The following GABRD variants were observed in gnomAD, a reference collection of about 807,000 sequenced individuals.
GABRD encodes the protein gamma-aminobutyric acid type A receptor subunit delta, also known as gamma-aminobutyric acid receptor subunit delta.
GABRD carries 25 observed loss-of-function variants against 47.3 expected under a neutral mutation model. That is an observed-to-expected ratio of 0.53 (90% CI 0.39 to 0.74). The LOEUF (loss-of-function observed/expected upper bound fraction) is 0.74. GABRD is among the 30% of genes least tolerant of loss of function. The pLI is 0.00. For synonymous variants in GABRD, 314 were observed against 278.8 expected (o/e 1.13, Z -1.26); for missense variants, 497 against 643.4 (o/e 0.77, Z 2.46).
chr1:2,025,264 G>C lies in GABRD; in HGVS notation c.182-70G>C, dbSNP rs895966579. On this transcript the variant is annotated intron_variant, in intron 2 of 8. Coordinates refer to ENST00000378585, the MANE Select transcript of GABRD (RefSeq NM_000815.5). ...GCCGACTGCCTGTGACTGGGACCCC[G>C]GCAGGGTCCCATCGTGGCTCCCATG... 3 of 1,574,192 alleles carry C rather than the reference G, an allele frequency of 1.9e-6. No individual in the cohort carries two copies. The Admixed American group carries it at 5.0e-5, about 26-fold the overall frequency.
In GABRD at chr1:2,028,407, A is replaced by C; in HGVS notation, c.691+115A>C. On this transcript the variant is annotated intron_variant, in intron 6 of 8. Coordinates refer to ENST00000378585, the MANE Select transcript of GABRD (RefSeq NM_000815.5). The surrounding 1 kb of genome is among the most constrained non-coding windows in gnomAD (Gnocchi z 6.4). The stretch of plus-strand genomic sequence containing the variant: ...CCGCGTGCGCCCGCCTGTGGTTTTC[A>C]TGCTTTTTAGTCAAGCGCCCGCAGG... The C allele has an allele frequency of 8.4e-7, 1 of 1,194,598 alleles. No homozygotes were observed. Among genetic ancestry groups the C allele is most frequent in the Non-Finnish European group, 1.1e-6 (1 of 933,200 alleles). 74.0% of individuals were successfully genotyped at this position (1,194,598 alleles called of 1,614,324 possible). A position where few individuals can be genotyped will look rare whatever the true frequency, so the allele number is the denominator to read the frequency against.
chr1:2,024,944 C>T lies in GABRD; in HGVS notation c.71C>T (p.Ala24Val), dbSNP rs748341188. The change falls in exon 2 of 9, where the codon GCG (alanine) becomes GTG (valine). Residue 24 changes from alanine to valine, a missense_variant and splice_region_variant. Ala to Val is a moderately conservative substitution (Grantham distance 64). Transcript: ENST00000378585. The part of the protein sequence containing the change: ...LCAQQLRGTR[A>V]MNDIGDYVGS... ...GACCGGTGGCTTTGCATCCCCAGAG[C>T]GATGAATGACATCGGCGACTACGTG... The T allele has an allele frequency of 3.4e-5, 54 of 1,607,814 alleles. No homozygotes were observed. Among genetic ancestry groups the T allele is most frequent in the Middle Eastern group, 1.7e-4 (1 of 6,052 alleles).
In GABRD at chr1:2,030,169, C is replaced by T. The variant is rs370735082; in HGVS notation, c.1246C>T (p.Arg416Cys). 4.1e-5 allele frequency: 64 copies of T among 1,573,802 alleles called. No homozygotes were observed. The highest frequency in any genetic ancestry group is 9.3e-5 in the South Asian group (8 of 85,954). ...CCGCTCAGGAGGCCAGGGGGGCATC[C>T]GTGCCCGGCTCAGGCCCATCGACGC... ...AARSGGQGGI[R>C]ARLRPIDADT... is the part of the protein sequence containing the mutation. The change falls in exon 9 of 9, where the codon CGT becomes TGT. Residue 416 changes from arginine (R) to cysteine (C), a missense_variant. Arg to Cys is a radical substitution (Grantham distance 180). Around this residue, in one of 3 missense-constraint regions of GABRD, gnomAD observed 121 missense variants for 121.3 expected, o/e 1.00. Coordinates refer to ENST00000378585, the MANE Select transcript of GABRD (RefSeq NM_000815.5).
chr1:2,029,579 G>A lies in GABRD; in HGVS notation c.876G>A (p.Thr292=), dbSNP rs747305505. The stretch of plus-strand genomic sequence containing the variant: ...TCACCACGGTGCTGACGATGACCAC[G>A]CTCATGGTCAGTGCCCGCTCCTCCC... ...LGITTVLTMT[T]LMVSARSSLP... The change falls in exon 8 of 9, where the codon ACG becomes ACA. Residue 292 remains threonine, a synonymous_variant. Transcript: ENST00000378585. 5.6e-6 allele frequency: 9 copies of A among 1,612,900 alleles called. No individual in the cohort carries two copies. The highest frequency in any genetic ancestry group is 2.2e-5 in the East Asian group (1 of 44,886).
At position 2,025,347 on chromosome 1, in the gene GABRD, T is replaced by C. The variant is rs750523706; in HGVS notation, c.195T>C (p.Asn65=). ...FRPGIGGPPV[N]VALALEVASI... ...CTTTCCTTGCAGGCCCCCCCGTGAA[T>C]GTGGCCCTTGCCCTGGAGGTGGCCA... The change falls in exon 3 of 9, where the codon AAT becomes AAC. Residue 65 remains asparagine (N), a synonymous_variant. Coordinates refer to ENST00000378585, the MANE Select transcript of GABRD (RefSeq NM_000815.5). 3 of 1,613,160 alleles carry C rather than the reference T, an allele frequency of 1.9e-6. No individual in the cohort carries two copies. The highest frequency in any genetic ancestry group is 2.2e-5 in the South Asian group (2 of 91,090).
In GABRD at chr1:2,028,815, C is replaced by T. The variant is rs1659002943; in HGVS notation, c.692-296C>T. ...AGGAGAGAAAGGGGTGAGCCCTCCC[C>T]ATTGGTTGCGAGGGTCCCTCAGGGC... On this transcript the variant is annotated intron_variant, in intron 6 of 8. Coordinates refer to ENST00000378585, the MANE Select transcript of GABRD (RefSeq NM_000815.5). The surrounding 1 kb of genome is among the most constrained non-coding windows in gnomAD (Gnocchi z 6.4). The T allele has an allele frequency of 6.2e-6, 3 of 480,312 alleles. No individual in the cohort carries two copies. The highest frequency in any genetic ancestry group is 1.1e-5 in the Non-Finnish European group (3 of 270,436). The allele number at this position is 480,312 out of a possible 1,614,324, so 29.8% of individuals were successfully genotyped here.
chr1:2,020,713 A>G (rs1658749237), intron 1 of GABRD, among the ~76,000 whole-genome samples: 1 of 152,214 alleles, frequency 6.6e-6, no homozygotes, highest in Non-Finnish European at 1.5e-5. Context: ...TGCTGGAGCC[A>G]TGGGGACAGC....
At position 2,030,578 on chromosome 1, in the gene GABRD, G is replaced by A. The variant is rs765087180; in HGVS notation, c.*296G>A. On this transcript the variant is annotated 3_prime_UTR_variant, in exon 9 of 9. Coordinates refer to ENST00000378585, the MANE Select transcript of GABRD (RefSeq NM_000815.5). ...GGGTCTGGGCCCTTCAGGGAGCCGC[G>A]GATTTTTATGTTCAGAAAGTGATCC... 12 of 324,212 alleles carry A rather than the reference G, an allele frequency of 3.7e-5. No individual in the cohort carries two copies. Among genetic ancestry groups the A allele is most frequent in the Non-Finnish European group, 6.2e-5 (11 of 178,554 alleles). The allele number at this position is 324,212 out of a possible 1,614,324, so 20.1% of individuals were successfully genotyped here.
At chr1:2,020,672 G>C (rs1296316534) in intron 1 of GABRD, among the ~76,000 whole-genome samples, 2 of 152,218 alleles carry the variant, frequency 1.3e-5, no homozygotes, top group African/African-American at 4.8e-5. Context: ...TGAGAGGAAG[G>C]ACGAAGCTCG....
Position 2,030,042 on chromosome 1 carries a change from G to A in GABRD, c.1119G>A (p.Glu373=). Reference sequence around the variant, plus strand: ...TCTCTGCTGCCGGCGTCACGCAGGAGCTGGCCATCTCCCGCCGGCAGCGCC... The same window carrying A: ...TCTCTGCTGCCGGCGTCACGCAGGAACTGGCCATCTCCCGCCGGCAGCGCC... ...FSLSAAGVTQ[E]LAISRRQRRV... Residue 373 remains glutamate, a synonymous_variant, in exon 9 of 9, where the codon GAG becomes GAA. Coordinates refer to ENST00000378585, the MANE Select transcript of GABRD (RefSeq NM_000815.5). 6.2e-7 allele frequency: 1 copy of A among 1,612,558 alleles called. No homozygotes were observed. Among genetic ancestry groups the A allele is most frequent in the Non-Finnish European group, 8.5e-7 (1 of 1,179,842 alleles).
At chr1:2,021,485 C>T (rs969936277) in intron 1 of GABRD, among the ~76,000 whole-genome samples, 1 of 152,202 alleles carries the variant, frequency 6.6e-6, no homozygotes, top group Admixed American at 6.5e-5. Context: ...CTGTATTGGA[C>T]GTCAGTGGGA....
chr1:2,027,087 CG>C, intron 4 of GABRD: 1 of 221,424 alleles, frequency 4.5e-6, no homozygotes, highest in South Asian at 6.1e-5. Flanking sequence ...CCTCAAGCCC[CG>C]GGGGGTTGAG....
chr1:2,029,434 G>T (rs1014663642), intron 7 of GABRD, 117 bp from the exon 8 acceptor site: 4 of 1,460,260 alleles, frequency 2.7e-6, no homozygotes, highest in African/African-American at 2.8e-5. Flanking sequence ...CCTGCTCCCT[G>T]GGGTGGGCAT....
In GABRD at chr1:2,028,302, GC is replaced by G; in HGVS notation, c.691+13del. On this transcript the variant is annotated intron_variant, in intron 6 of 8. Coordinates refer to ENST00000378585, the MANE Select transcript of GABRD (RefSeq NM_000815.5). This position sits in a 1 kb window ranked among gnomAD's most constrained non-coding sequence, Gnocchi z 6.4. ...ATGAACTTCAAGTCCGGTAACATATGCCCGCCGCCCCTTCCGCATGTGCCCG... is the reference window on the plus strand; with the variant it reads ...ATGAACTTCAAGTCCGGTAACATATGCCGCCGCCCCTTCCGCATGTGCCCG... The G allele has an allele frequency of 6.2e-7, 1 of 1,603,514 alleles. No individual in the cohort carries two copies. Among genetic ancestry groups the G allele is most frequent in the Non-Finnish European group, 8.5e-7 (1 of 1,174,508 alleles).
rs1214046618 is a variant in GABRD, at chr1:2,019,484, G to C, written c.61G>C (p.Gly21Arg). ...LLLLCAQQLRGTRAMNDIGDY... is the reference protein window; with the variant it reads ...LLLLCAQQLRRTRAMNDIGDY... ...GCTCCTCTGCGCGCAGCAGCTCCGC[G>C]GCACCAGGTGAGCGGGCGGGGTCCG... The change falls in exon 1 of 9, where the codon GGC (glycine) becomes CGC (arginine). Residue 21 changes from glycine to arginine, a missense_variant. Gly to Arg is a moderately radical substitution (Grantham distance 125). Transcript: ENST00000378585. The C allele has an allele frequency of 9.0e-7, 1 of 1,110,408 alleles. No homozygotes were observed. Among genetic ancestry groups the C allele is most frequent in the African/African-American group, 1.7e-5 (1 of 59,346 alleles). The allele number at this position is 1,110,408 out of a possible 1,614,324, so 68.8% of individuals were successfully genotyped here.
In GABRD at chr1:2,025,660, C is replaced by A; in HGVS notation, c.392C>A (p.Ser131Ter). The part of the protein sequence containing the change: ...LPDTFIVNAK[S>*]AWFHDVTVEN... ...GACACCTTCATCGTGAACGCCAAGT[C>A]GGCCTGGTTCCACGACGTGACGGTG... The change falls in exon 4 of 9, where the codon TCG becomes TAG. Residue 131 changes from serine (S) to a stop codon, truncating the protein, a stop_gained. Coordinates refer to ENST00000378585, the MANE Select transcript of GABRD (RefSeq NM_000815.5). LOFTEE classifies it high-confidence loss of function. 2 of 1,613,036 alleles carry A rather than the reference C, an allele frequency of 1.2e-6. No homozygotes were observed. The highest frequency in any genetic ancestry group is 1.1e-5 in the South Asian group (1 of 91,086).
chr1:2,024,771 C>T (rs918267220), intron 1 of GABRD, 171 bp from the exon 2 acceptor site: 8 of 567,464 alleles, frequency 1.4e-5, no homozygotes, highest in South Asian at 9.3e-5. Context: ...TCCCTGTGTC[C>T]AGCCAGAGGC....
intron 1 of GABRD, chr1:2,024,685 A>G (rs1658871230): frequency 6.1e-6 from 2 of 327,194 alleles, no homozygotes; most frequent in South Asian, 1.3e-4. Flanking sequence ...CAAAGCCAGG[A>G]GGGCTAAGTG....
chr1:2,025,156 G>A, intron 2 of GABRD, 102 bp downstream of exon 2: 1 of 1,281,444 alleles, frequency 7.8e-7, no homozygotes, highest in Non-Finnish European at 1.1e-6. Context: ...AGGCAAGGAA[G>A]CCTGGCTCTC....
Sources: allele counts gnomAD v4.1 joint callset (sites outside exome capture counted in the v4.1 genomes callset), GRCh38; gene constraint gnomAD v4.1.1; regional missense constraint gnomAD v4.1.1; non-coding constraint Gnocchi (gnomAD v3.1); transcripts MANE v1.5; gene names NCBI Gene and HGNC (gene_info 2026-07-23, HGNC 2026-07-21).